CTNND2: variants seen among roughly 807,000 people sequenced by gnomAD.
CTNND2 encodes the protein catenin delta 2, also known as catenin delta-2.
CTNND2 carries 22 observed loss-of-function variants against 144.4 expected under a neutral mutation model. That is an observed-to-expected ratio of 0.15 (90% CI 0.11 to 0.22). CTNND2 has a LOEUF of 0.22. Ranked by LOEUF, CTNND2 falls within the 10% of genes least tolerant of loss-of-function variation. The pLI is 1.00. For missense variants in CTNND2, 1,353 were observed against 1,618.8 expected, an observed-to-expected ratio of 0.84 and a Z score of 2.82; for synonymous variants, 751 against 695.6, an observed-to-expected ratio of 1.08 and a Z score of -1.25.
chr5:11,678,805 C>CT, intron 2 of CTNND2, among the ~76,000 whole-genome samples: 1 of 152,036 alleles, frequency 6.6e-6, no homozygotes, highest in East Asian at 1.9e-4. Context: ...ATGTTCCGGC[C>CT]TATATACGTG....
intron 3 of CTNND2, among the ~76,000 whole-genome samples, chr5:11,480,923 G>A (rs1377717537): frequency 6.6e-6 from 1 of 152,092 alleles, no homozygotes; most frequent in Admixed American, 6.6e-5. Context: ...GCCCTGCCAA[G>A]CCCTGCTGGA....
intron 16 of CTNND2, among the ~76,000 whole-genome samples, chr5:11,070,341 C>T (rs1354097989): frequency 6.6e-6 from 1 of 151,544 alleles, no homozygotes; most frequent in African/African-American, 2.4e-5. Flanking sequence ...TTATATAATG[C>T]CTTTATAAAG....
intron 2 of CTNND2, among the ~76,000 whole-genome samples, chr5:11,633,743 TC>T (rs1315949825): frequency 9.6e-5 from 14 of 145,698 alleles, no homozygotes; most frequent in Admixed American, 3.5e-4. Flanking sequence ...GCCAATGTAC[TC>T]CAGTCTGGGT....
intron 9 of CTNND2, among the ~76,000 whole-genome samples, chr5:11,270,785 C>T (rs1020697733): frequency 5.9e-5 from 9 of 152,082 alleles, no homozygotes; most frequent in African/African-American, 2.2e-4. Flanking sequence ...TGCAAGAAAG[C>T]TTAAAATAGC....
Position 11,022,840 on chromosome 5 carries a change from C to T in CTNND2, c.2928G>A (p.Glu976=). Reference sequence around the variant, plus strand: ...CGGCATCCCGTAAGGCCTTGGCGTTCTCCATGTTCTTGGTAATCACTTCGT... The same window carrying T: ...CGGCATCCCGTAAGGCCTTGGCGTTTTCCATGTTCTTGGTAATCACTTCGT... ...TLHEVITKNM[E]NAKALRDAGG... is the part of the protein sequence containing the mutation. The change falls in exon 17 of 22, where the codon GAG becomes GAA. Residue 976 remains glutamate, a synonymous_variant. Coordinates refer to ENST00000304623, the MANE Select transcript of CTNND2 (RefSeq NM_001332.4). 6.2e-7 allele frequency: 1 copy of T among 1,614,240 alleles called. No homozygotes were observed. Among genetic ancestry groups the T allele is most frequent in the Non-Finnish European group, 8.5e-7 (1 of 1,180,030 alleles).
intron 18 of CTNND2, among the ~76,000 whole-genome samples, chr5:11,011,421 TGGCCA>T (rs528075383): frequency 1.1e-4 from 17 of 152,248 alleles, no homozygotes; most frequent in African/African-American, 3.6e-4. Context: ...TTTACCATGT[TGGCCA>T]GGCTGGTGTT....
At chr5:11,021,158 C>CT (rs539936001) in intron 17 of CTNND2, among the ~76,000 whole-genome samples, 2 of 152,000 alleles carry the variant, frequency 1.3e-5, no homozygotes, top group African/African-American at 4.8e-5. Context: ...CTCAATAAAA[C>CT]TTTTTTTTCT....
At chr5:11,491,203 G>C (rs2149993414) in intron 3 of CTNND2, among the ~76,000 whole-genome samples, 1 of 152,222 alleles carries the variant, frequency 6.6e-6, no homozygotes, top group Non-Finnish European at 1.5e-5. Flanking sequence ...GTATCCTCCT[G>C]TCCTGGTTCC....
chr5:11,346,521 G>A lies in CTNND2; in HGVS notation c.1479C>T (p.Ala493=), dbSNP rs752135363. 23 of 1,605,538 alleles carry A rather than the reference G, an allele frequency of 1.4e-5. No individual in the cohort carries two copies. The highest frequency in any genetic ancestry group is 1.0e-4 in the South Asian group (9 of 89,430). Residue 493 remains alanine (A), a synonymous_variant, in exon 9 of 22, where the codon GCC becomes GCT. Coordinates refer to ENST00000304623, the MANE Select transcript of CTNND2 (RefSeq NM_001332.4). ...GGTCCGCGTAATTGGAGGCTGGGCCGGCGGCATAGCTGGCCCTCTGGAAGG... is the reference window on the plus strand; with the variant it reads ...GGTCCGCGTAATTGGAGGCTGGGCCAGCGGCATAGCTGGCCCTCTGGAAGG... ...AATFQRASYA[A]GPASNYADPY...
intron 7 of CTNND2, among the ~76,000 whole-genome samples, chr5:11,382,464 G>A (rs879215072): frequency 2.6e-5 from 4 of 151,986 alleles, no homozygotes; most frequent in Admixed American, 1.3e-4. Context: ...CCAGGCGTGG[G>A]GGCAGGTGAC....
chr5:11,852,447 C>G (rs965774690), intron 1 of CTNND2, among the ~76,000 whole-genome samples: 3 of 152,058 alleles, frequency 2.0e-5, no homozygotes, highest in African/African-American at 7.3e-5. Flanking sequence ...CAAGAGAGAA[C>G]TGAGAAAAAT....
At chr5:11,431,826 T>A (rs1455058423) in intron 3 of CTNND2, among the ~76,000 whole-genome samples, 6 of 152,106 alleles carry the variant, frequency 3.9e-5, no homozygotes, top group Non-Finnish European at 8.8e-5. Flanking sequence ...CTTGGTGTTG[T>A]TAAAGCGGCT....
At chr5:11,696,980 TGATA>T (rs1341938735) in intron 2 of CTNND2, among the ~76,000 whole-genome samples, 1 of 151,858 alleles carries the variant, frequency 6.6e-6, no homozygotes, top group Non-Finnish European at 1.5e-5. Flanking sequence ...CTATTTTAAA[TGATA>T]GATATTCAGA....
chr5:11,818,487 G>T (rs764923833), intron 1 of CTNND2, among the ~76,000 whole-genome samples: 1 of 151,732 alleles, frequency 6.6e-6, no homozygotes, highest in Non-Finnish European at 1.5e-5. Flanking sequence ...TCCTGCCTCA[G>T]CCTCCCAAGT....
chr5:11,063,281 T>A (rs1747202414), intron 16 of CTNND2, among the ~76,000 whole-genome samples: 1 of 152,164 alleles, frequency 6.6e-6, no homozygotes. Flanking sequence ...TTTTTGAATA[T>A]ATGAATGGAT....
chr5:11,527,261 A>G (rs750706224), intron 3 of CTNND2, among the ~76,000 whole-genome samples: 195 of 152,340 alleles, frequency 1.3e-3, no homozygotes, highest in Non-Finnish European at 1.7e-3. Flanking sequence ...AGAAAAAACT[A>G]AGATGCAAAG....
chr5:11,161,815 A>G (rs2149771334), intron 11 of CTNND2, among the ~76,000 whole-genome samples: 1 of 152,276 alleles, frequency 6.6e-6, no homozygotes, highest in Middle Eastern at 3.4e-3. Context: ...AATGTTTTAA[A>G]ATATGGGTGA....
intron 21 of CTNND2, among the ~76,000 whole-genome samples, chr5:10,976,262 A>G (rs1228054234): frequency 2.0e-5 from 3 of 151,610 alleles, no homozygotes; most frequent in Admixed American, 6.6e-5. Context: ...TCCACAGTGG[A>G]GGAATATTGG....
At chr5:11,367,385 A>G (rs1581029752) in intron 7 of CTNND2, among the ~76,000 whole-genome samples, 2 of 152,256 alleles carry the variant, frequency 1.3e-5, no homozygotes, top group Admixed American at 1.3e-4. Flanking sequence ...TTTTAGATCC[A>G]TATGAACAAG....
Sources: allele counts gnomAD v4.1 joint callset (sites outside exome capture counted in the v4.1 genomes callset), GRCh38; gene constraint gnomAD v4.1.1; transcripts MANE v1.5; gene names NCBI Gene and HGNC (gene_info 2026-07-23, HGNC 2026-07-21).